DTNA: variants seen among roughly 807,000 people sequenced by gnomAD.
DTNA encodes dystrobrevin alpha, also known as dystrophin-related protein 3.
Under a neutral mutation model 100.7 loss-of-function variants are expected in DTNA, and 43 were observed. That is an observed-to-expected ratio of 0.43 (90% CI 0.33 to 0.55). The LOEUF (loss-of-function observed/expected upper bound fraction) is 0.55. Among genes scored for constraint, DTNA ranks in the 20% least tolerant of loss-of-function variants. The pLI, the probability that DTNA is intolerant of heterozygous loss-of-function variation, is 0.04. For synonymous variants in DTNA, 349 were observed against 347.9 expected (o/e 1.00, Z -0.04); for missense variants, 798 against 953.9 (o/e 0.84, Z 2.15).
At chr18:34,494,716 C>T (rs1295058228) in intron 1 of DTNA, among the ~76,000 whole-genome samples, 10 of 152,052 alleles carry the variant, frequency 6.6e-5, no homozygotes, top group Admixed American at 5.9e-4. Context: ...TGCAGTGAAG[C>T]TTACCATGCT....
intron 5 of DTNA, among the ~76,000 whole-genome samples, chr18:34,811,521 A>G (rs758317283): frequency 6.6e-6 from 1 of 152,238 alleles, no homozygotes; most frequent in Non-Finnish European, 1.5e-5. Flanking sequence ...GATAATATAA[A>G]TTGGTAAATT....
rs752136775 is a variant in DTNA at position 34,889,702 on chromosome 18, T to C, written c.*1968T>C. ...CTTGCCTTGGGGATAAAGTGCTCAA[T>C]TGGCATTAGTGAGAAGCCCATCCTA... is the stretch of plus-strand genomic sequence containing the variant. On this transcript the variant is annotated 3_prime_UTR_variant, in exon 23 of 23. Transcript: ENST00000444659. 50 of 985,782 alleles carry C rather than the reference T, an allele frequency of 5.1e-5. No individual in the cohort carries two copies. Among genetic ancestry groups the C allele is most frequent in the Admixed American group, 6.1e-5 (1 of 16,262 alleles). 61.1% of individuals were successfully genotyped at this position (985,782 alleles called of 1,614,324 possible).
At chr18:34,506,172 G>A (rs999948619) in intron 1 of DTNA, among the ~76,000 whole-genome samples, 1 of 152,204 alleles carries the variant, frequency 6.6e-6, no homozygotes, top group Non-Finnish European at 1.5e-5. Flanking sequence ...ACACTAGGGG[G>A]ACAGAAGAGG....
Position 34,890,585 on chromosome 18 carries a change from C to A in DTNA, c.*2851C>A, listed in dbSNP as rs1053840079. 3 of 1,227,842 alleles carry A rather than the reference C, an allele frequency of 2.4e-6. No individual in the cohort carries two copies. The African/African-American group carries it at 4.6e-5, about 19-fold the overall frequency. 76.1% of individuals were successfully genotyped at this position (1,227,842 alleles called of 1,614,324 possible). ...GTTAATAAGCACTGGTCTAACACAG[C>A]CAACCCTCCTCCACAGCGCCATATT... On this transcript the variant is annotated 3_prime_UTR_variant, in exon 23 of 23. Transcript: ENST00000444659.
intron 3 of DTNA, among the ~76,000 whole-genome samples, chr18:34,767,135 A>G (rs371940984): frequency 2.8e-4 from 43 of 152,294 alleles, no homozygotes; most frequent in Admixed American, 1.5e-3. Flanking sequence ...TATTGGATGA[A>G]TTTTTAAAAA....
intron 1 of DTNA, among the ~76,000 whole-genome samples, chr18:34,534,161 C>T (rs555090403): frequency 2.0e-5 from 3 of 151,958 alleles, no homozygotes; most frequent in Non-Finnish European, 4.4e-5. Context: ...GCCTGGCCAA[C>T]GTGGTGAAAC....
At position 34,890,759 on chromosome 18, in the gene DTNA, A is replaced by AATG; in HGVS notation, c.*3025_*3026insATG. The AATG allele has an allele frequency of 2.8e-6, 1 of 353,932 alleles. No homozygotes were observed. Among genetic ancestry groups the AATG allele is most frequent in the Admixed American group, 4.2e-5 (1 of 23,850 alleles). 21.9% of individuals were successfully genotyped at this position (353,932 alleles called of 1,614,324 possible). ...ATGGGTTCTTGAATGATCTACTATA[A>AATG]GGCAGGGAAGGTTCATTTGTAAGTA... On this transcript the variant is annotated 3_prime_UTR_variant, in exon 23 of 23. Coordinates refer to ENST00000444659, the MANE Select transcript of DTNA (RefSeq NM_001386795.1).
At chr18:34,658,968 GAGT>G (rs1331997529) in intron 1 of DTNA, among the ~76,000 whole-genome samples, 2 of 152,326 alleles carry the variant, frequency 1.3e-5, no homozygotes, top group East Asian at 3.9e-4. Context: ...CAGTGCTATG[GAGT>G]ATGTTGCACT....
intron 1 of DTNA, among the ~76,000 whole-genome samples, chr18:34,534,805 C>G (rs1055241870): frequency 3.3e-5 from 5 of 152,080 alleles, no homozygotes; most frequent in Non-Finnish European, 7.4e-5. Flanking sequence ...ATCCATATCC[C>G]TGCAAAGGAC....
chr18:34,668,132 C>T (rs2076210450), intron 1 of DTNA, among the ~76,000 whole-genome samples: 1 of 152,182 alleles, frequency 6.6e-6, no homozygotes, highest in South Asian at 2.1e-4. Context: ...AGAGATTCAG[C>T]TTCTTCCTGG....
intron 15 of DTNA, among the ~76,000 whole-genome samples, chr18:34,853,250 A>G (rs961909774): frequency 6.6e-6 from 1 of 152,194 alleles, no homozygotes; most frequent in African/African-American, 2.4e-5. Flanking sequence ...TTCTAGTAAT[A>G]TATTTCTTGA....
At chr18:34,530,186 G>T (rs890969118) in intron 1 of DTNA, among the ~76,000 whole-genome samples, 1 of 152,100 alleles carries the variant, frequency 6.6e-6, no homozygotes, top group East Asian at 1.9e-4. Flanking sequence ...AACTCCCACA[G>T]TGGTCAGTCA....
At chr18:34,516,028 T>C (rs755310857) in intron 1 of DTNA, among the ~76,000 whole-genome samples, 8 of 152,126 alleles carry the variant, frequency 5.3e-5, no homozygotes, top group Admixed American at 6.6e-5. Context: ...TCTATAACCA[T>C]GCTTGAAATT....
At chr18:34,827,791 A>G in intron 10 of DTNA, 115 bp downstream of exon 10, 4 of 1,039,846 alleles carry the variant, frequency 3.8e-6, no homozygotes, top group Non-Finnish European at 5.9e-6. Context: ...CTAGAAACTA[A>G]CTTGCAAATA....
At chr18:34,619,629 G>A (rs940530953) in intron 1 of DTNA, among the ~76,000 whole-genome samples, 1 of 152,074 alleles carries the variant, frequency 6.6e-6, no homozygotes, top group African/African-American at 2.4e-5. Flanking sequence ...CAGAATGGAT[G>A]GTAATGTCAT....
intron 3 of DTNA, among the ~76,000 whole-genome samples, chr18:34,772,945 C>G (rs927643112): frequency 6.6e-6 from 1 of 152,196 alleles, no homozygotes; most frequent in Non-Finnish European, 1.5e-5. Context: ...ATTGGGGCCC[C>G]GTTTCCTTGC....
chr18:34,829,592 T>C, intron 11 of DTNA, 103 bp downstream of exon 11: 3 of 1,234,816 alleles, frequency 2.4e-6, no homozygotes, highest in Non-Finnish European at 3.2e-6. Flanking sequence ...GTACGTCTTA[T>C]TGGAGATAGA....
intron 1 of DTNA, among the ~76,000 whole-genome samples, chr18:34,599,691 T>C (rs914044118): frequency 3.9e-5 from 6 of 152,126 alleles, no homozygotes; most frequent in African/African-American, 1.4e-4. Flanking sequence ...GTTTTCTTGT[T>C]GTTTCTTTTT....
chr18:34,715,065 G>A (rs1434648801), intron 1 of DTNA, among the ~76,000 whole-genome samples: 1 of 145,502 alleles, frequency 6.9e-6, no homozygotes, highest in Non-Finnish European at 1.5e-5. Flanking sequence ...TGTGGGATGG[G>A]GGGAGGGGGG....
Sources: gnomAD v4.1 joint callset for allele counts (sites outside exome capture counted in the v4.1 genomes callset) on GRCh38, gnomAD v4.1.1 for gene constraint, MANE v1.5 for transcripts, NCBI Gene and HGNC (gene_info 2026-07-23, HGNC 2026-07-21) for gene names.